CNIH3: variants seen among roughly 807,000 people sequenced by gnomAD.
The protein encoded by CNIH3 is cornichon family AMPA receptor auxiliary protein 3, also known as protein cornichon homolog 3.
A neutral mutation model predicts 24.1 loss-of-function variants in CNIH3; 14 were observed. The ratio of observed to expected loss-of-function variants is 0.58; its 90% CI spans 0.38 to 0.91. The LOEUF (loss-of-function observed/expected upper bound fraction) is 0.91. Among genes scored for constraint, CNIH3 ranks in the 40% least tolerant of loss-of-function variants. The pLI is 0.00. For missense variants in CNIH3, 178 were observed against 196.8 expected, an observed-to-expected ratio of 0.90 and a Z score of 0.57; for synonymous variants, 68 against 73.8, an observed-to-expected ratio of 0.92 and a Z score of 0.40.
chr1:224,543,251 A>G (rs551499299), intron 2 of CNIH3, among the ~76,000 whole-genome samples: 6 of 152,228 alleles, frequency 3.9e-5, no homozygotes, highest in Admixed American at 1.3e-4. Flanking sequence ...TCCTGATTCT[A>G]TGGGGAAAGA....
chr1:224,556,681 G>A (rs1380004816), intron 3 of CNIH3, among the ~76,000 whole-genome samples: 1 of 152,170 alleles, frequency 6.6e-6, no homozygotes, highest in Non-Finnish European at 1.5e-5. Context: ...AAGGATTCAC[G>A]CTCCTGTGAG....
At chr1:224,624,594 G>C (rs1227404819) in intron 1 of CNIH3, among the ~76,000 whole-genome samples, 1 of 152,072 alleles carries the variant, frequency 6.6e-6, no homozygotes, top group Non-Finnish European at 1.5e-5. Flanking sequence ...TCCCTGCCTT[G>C]GTTCAGGCCC....
At chr1:224,683,355 T>C (rs1443481578) in intron 2 of CNIH3, among the ~76,000 whole-genome samples, 1 of 152,210 alleles carries the variant, frequency 6.6e-6, no homozygotes, top group African/African-American at 2.4e-5. Context: ...AATGGAAGAC[T>C]GCTAGACACA....
intron 3 of CNIH3, among the ~76,000 whole-genome samples, chr1:224,710,668 AG>A (rs1226817422): frequency 2.0e-5 from 3 of 152,146 alleles, no homozygotes; most frequent in Non-Finnish European, 4.4e-5. Context: ...TGTGCCAAGG[AG>A]GGTGCCAAGT....
chr1:224,560,930 G>T (rs1186466943), intron 3 of CNIH3, among the ~76,000 whole-genome samples: 2 of 148,676 alleles, frequency 1.3e-5, no homozygotes, highest in Non-Finnish European at 3.0e-5. Context: ...AACCATTCAG[G>T]TGTCTGTTGA....
At chr1:224,450,557 C>A (rs975263899) in intron 1 of CNIH3, among the ~76,000 whole-genome samples, 1 of 152,114 alleles carries the variant, frequency 6.6e-6, no homozygotes, top group African/African-American at 2.4e-5. Flanking sequence ...AGAATAAACA[C>A]CCTGGTTAGC....
At chr1:224,452,780 T>TC (rs1675474566) in intron 1 of CNIH3, among the ~76,000 whole-genome samples, 1 of 57,326 alleles carries the variant, frequency 1.7e-5, no homozygotes, top group Non-Finnish European at 3.3e-5. Context: ...AAACTCTGTC[T>TC]CAAAAAAAAA....
At chr1:224,736,410 G>A (rs1689594897) in intron 5 of CNIH3, among the ~76,000 whole-genome samples, 1 of 152,224 alleles carries the variant, frequency 6.6e-6, no homozygotes, top group Non-Finnish European at 1.5e-5. Context: ...ACAGGCGTGA[G>A]CCACCGTGCC....
upstream of CNIH3, among the ~76,000 whole-genome samples, chr1:224,612,583 A>T (rs536291946): frequency 1.3e-5 from 2 of 152,356 alleles, no homozygotes; most frequent in South Asian, 4.1e-4. This position sits in a 1 kb window ranked among gnomAD's most constrained non-coding sequence, Gnocchi z 4.7. Context: ...GTCATCCTGG[A>T]AAATCTCAAA....
intron 3 of CNIH3, among the ~76,000 whole-genome samples, chr1:224,554,445 A>G (rs1680051718): frequency 6.6e-6 from 1 of 152,150 alleles, no homozygotes; most frequent in Non-Finnish European, 1.5e-5. Flanking sequence ...GATTCAACCC[A>G]CTGAGGATTG....
intron 3 of CNIH3, among the ~76,000 whole-genome samples, chr1:224,599,287 C>A (rs1004826696): frequency 6.6e-6 from 1 of 152,152 alleles, no homozygotes; most frequent in Admixed American, 6.6e-5. Context: ...GCCAAGATGG[C>A]CTTCCTCAAA....
intron 3 of CNIH3, among the ~76,000 whole-genome samples, chr1:224,554,730 T>C (rs1558155150): frequency 6.6e-6 from 1 of 152,020 alleles, no homozygotes; most frequent in Non-Finnish European, 1.5e-5. Context: ...ACTACAGTTG[T>C]ATGCCACCAT....
At chr1:224,639,767 C>G (rs1199721472) in intron 1 of CNIH3, among the ~76,000 whole-genome samples, 3 of 152,216 alleles carry the variant, frequency 2.0e-5, no homozygotes, top group Non-Finnish European at 4.4e-5. Flanking sequence ...CAGGCCAGAG[C>G]TTAACATTCC....
downstream of CNIH3, among the ~76,000 whole-genome samples, chr1:224,593,323 C>T (rs1409960593): frequency 6.6e-6 from 1 of 151,816 alleles, no homozygotes; most frequent in African/African-American, 2.4e-5. Context: ...CCCAGCTATC[C>T]ACTCTGTTAC....
chr1:224,482,515 G>A (rs1017127862), intron 1 of CNIH3, among the ~76,000 whole-genome samples: 1 of 152,026 alleles, frequency 6.6e-6, no homozygotes, highest in African/African-American at 2.4e-5. Flanking sequence ...CTGGCCTAGG[G>A]TGTGTCTAGA....
chr1:224,732,202 A>G lies in CNIH3; in HGVS notation c.311+1628A>G, dbSNP rs560289282. On this transcript the variant is annotated intron_variant, in intron 4 of 5. Transcript: ENST00000272133. ...AGGTGGTGGGAGTCAGAATGGTGAG[A>G]GAACAAGAGAAGCTGTGGAGGTGAA... is the stretch of plus-strand genomic sequence containing the variant. 2.6e-5 allele frequency among the ~76,000 whole-genome samples: 4 copies of G among 152,274 alleles called. No homozygotes were observed. The East Asian group carries it at 5.8e-4, about 22-fold the overall frequency.
intron 1 of CNIH3, among the ~76,000 whole-genome samples, chr1:224,489,390 A>C (rs1174221604): frequency 6.6e-6 from 1 of 151,352 alleles, no homozygotes; most frequent in Non-Finnish European, 1.5e-5. Flanking sequence ...TTTCCCTCAC[A>C]TCCCATCCTT....
rs147306002 is a variant in CNIH3, at chr1:224,548,235, A to G, written n.450+1296A>G. ...TACACCCTGTGATATTATAGGCAAT[A>G]TCTTAGGGAGATATTACTCCTAACA... On this transcript the variant is annotated intron_variant and non_coding_transcript_variant, in intron 3 of 5. Coordinates refer to the CNIH3 transcript ENST00000471578. 5.1e-4 allele frequency among the ~76,000 whole-genome samples: 78 copies of G among 152,092 alleles called. No homozygotes were observed. In the East Asian group the frequency reaches 0.015, roughly 29 times the overall value.
rs183770581 is a variant in CNIH3, at chr1:224,568,133, T to C, written n.516+1869T>C. Among the ~76,000 whole-genome samples, 215 of 151,990 alleles carry C rather than the reference T, an allele frequency of 1.4e-3. 1 individual carries two copies. In the Middle Eastern group the frequency reaches 0.048, roughly 34 times the overall value. On this transcript the variant is annotated intron_variant and non_coding_transcript_variant, in intron 4 of 5. Coordinates refer to the CNIH3 transcript ENST00000471578. Reference sequence around the variant, plus strand: ...GGTAAAACCCCGTCTTTACTAAAAATACAAAAATTAGCTGGGCATGGTGGC... The same window carrying C: ...GGTAAAACCCCGTCTTTACTAAAAACACAAAAATTAGCTGGGCATGGTGGC...
Sources: allele counts gnomAD v4.1 joint callset (sites outside exome capture counted in the v4.1 genomes callset), GRCh38; gene constraint gnomAD v4.1.1; non-coding constraint Gnocchi (gnomAD v3.1); transcripts MANE v1.5; gene names NCBI Gene and HGNC (gene_info 2026-07-23, HGNC 2026-07-21).